PTK7: variants seen among roughly 807,000 people sequenced by gnomAD.
The protein encoded by PTK7 is protein tyrosine kinase 7 (inactive).
In PTK7, 39 loss-of-function variants were observed where a neutral mutation model predicts 116.6. That is an observed-to-expected ratio of 0.33 (90% CI 0.26 to 0.44). The LOEUF is 0.44. Among genes scored for constraint, PTK7 ranks in the 20% least tolerant of loss-of-function variants. The pLI is 1.00. For synonymous variants in PTK7, 546 were observed against 563.6 expected, an observed-to-expected ratio of 0.97 and a Z score of 0.44; for missense variants, 1,169 against 1,425.6, an observed-to-expected ratio of 0.82 and a Z score of 2.90.
intron 1 of PTK7, among the ~76,000 whole-genome samples, chr6:43,123,084 C>T (rs1406708341): frequency 1.3e-5 from 2 of 152,162 alleles, no homozygotes; most frequent in Non-Finnish European, 2.9e-5. Flanking sequence ...TAGCATCAAG[C>T]TCCCCACTCA....
Position 43,128,956 on chromosome 6 carries a change from CT to C in PTK7, c.80-20del. 1 of 1,583,322 alleles carries C rather than the reference CT, an allele frequency of 6.3e-7. No homozygotes were observed. The highest frequency in any genetic ancestry group is 1.3e-5 in the African/African-American group (1 of 74,634). ...GCTGCAGCTCCCCCTGACCCTGCCT[CT>C]CCCCTGTTTGCATCTACAGGTACCC... On this transcript the variant is annotated intron_variant, in intron 1 of 19. Transcript: ENST00000230419.
At chr6:43,131,841 G>A (rs1769700098) in intron 5 of PTK7, 175 bp from the exon 6 acceptor site, 1 of 812,556 alleles carries the variant, frequency 1.2e-6, no homozygotes, top group Non-Finnish European at 1.9e-6. Flanking sequence ...GTGCACCTGA[G>A]CAAGTGTATG....
At chr6:43,078,088 G>A (rs1448881295) in intron 1 of PTK7, among the ~76,000 whole-genome samples, 1 of 152,256 alleles carries the variant, frequency 6.6e-6, no homozygotes, top group Non-Finnish European at 1.5e-5. Context: ...GTGTGGGTCT[G>A]CCCAATGAGG....
intron 18 of PTK7, among the ~76,000 whole-genome samples, chr6:43,159,247 A>G (rs1771695945): frequency 6.6e-6 from 1 of 152,224 alleles, no homozygotes; most frequent in Non-Finnish European, 1.5e-5. Context: ...TTTATATATA[A>G]TCTATTTATA....
chr6:43,117,891 A>G (rs771647138), intron 1 of PTK7, among the ~76,000 whole-genome samples: 1 of 151,674 alleles, frequency 6.6e-6, no homozygotes, highest in Non-Finnish European at 1.5e-5. Flanking sequence ...AGCCGAGATC[A>G]TGCCATTGCA....
At chr6:43,150,020 A>G (rs910489502) in intron 17 of PTK7, among the ~76,000 whole-genome samples, 1 of 152,310 alleles carries the variant, frequency 6.6e-6, no homozygotes, top group South Asian at 2.1e-4. Context: ...AATCAAAGAC[A>G]TGGGTCCTGG....
Position 43,144,451 on chromosome 6 carries a change from G to C in PTK7, c.2252G>C (p.Gly751Ala). 6.2e-7 allele frequency: 1 copy of C among 1,614,132 alleles called. No homozygotes were observed. The part of the protein sequence containing the change: ...GEEPEMECLN[G>A]GPLQNGQPSA... Reference sequence around the variant, plus strand: ...ACGCTCTTGTCCTCCTCCTTCCCAGGTGGGCCTTTGCAGAACGGGCAGCCC... The same window carrying C: ...ACGCTCTTGTCCTCCTCCTTCCCAGCTGGGCCTTTGCAGAACGGGCAGCCC... The change falls in exon 15 of 20, where the codon GGT (glycine) becomes GCT (alanine). Residue 751 changes from glycine to alanine, a missense_variant and splice_region_variant. Physicochemically the swap from Gly to Ala is moderately conservative, Grantham distance 60. Around this residue, in one of 3 missense-constraint regions of PTK7, gnomAD observed 678 missense variants for 853.8 expected, o/e 0.79. Transcript: ENST00000230419.
At chr6:43,135,915 G>A (rs568354929) in intron 7 of PTK7, among the ~76,000 whole-genome samples, 2 of 152,042 alleles carry the variant, frequency 1.3e-5, no homozygotes, top group East Asian at 3.9e-4. Context: ...ATGGCTGGGT[G>A]CAGTGGCTCA....
At position 43,144,525 on chromosome 6, in the gene PTK7, C is replaced by T. The variant is rs1770612398; in HGVS notation, c.2326C>T (p.Pro776Ser). The change falls in exon 15 of 20, where the codon CCC becomes TCC. Residue 776 changes from proline (P) to serine (S), a missense_variant. This residue lies in a region of PTK7 where 678 missense variants were observed against 853.8 expected (regional missense o/e 0.79). Coordinates refer to ENST00000230419, the MANE Select transcript of PTK7 (RefSeq NM_002821.5). Reference sequence around the variant, plus strand: ...GGCCTTGACCAGCTTGGGCTCCGGCCCCGCGGCCACCAACAAACGCCACAG... The same window carrying T: ...GGCCTTGACCAGCTTGGGCTCCGGCTCCGCGGCCACCAACAAACGCCACAG... ...EVALTSLGSG[P>S]AATNKRHSTS... is the part of the protein sequence containing the mutation. The T allele has an allele frequency of 6.2e-7, 1 of 1,614,196 alleles. No homozygotes were observed. Among genetic ancestry groups the T allele is most frequent in the East Asian group, 2.2e-5 (1 of 44,884 alleles).
At chr6:43,091,556 C>T (rs1266990313) in intron 1 of PTK7, among the ~76,000 whole-genome samples, 1 of 152,188 alleles carries the variant, frequency 6.6e-6, no homozygotes, top group Non-Finnish European at 1.5e-5. Context: ...ATTTCATTAA[C>T]TCTTAGATGT....
intron 1 of PTK7, among the ~76,000 whole-genome samples, chr6:43,101,004 G>C (rs1011054404): frequency 6.6e-6 from 1 of 151,896 alleles, no homozygotes; most frequent in African/African-American, 2.4e-5. Flanking sequence ...AGGCCGAGGC[G>C]GGCAGATCAC....
At position 43,083,935 on chromosome 6, in the gene PTK7, G is replaced by C. The variant is rs141472111; in HGVS notation, c.79+7368G>C. ...GTAGATATGTGTTTCTCAAATTAGA[G>C]TGGAGAGTATAGGGCAGGTCACCAA... is the stretch of plus-strand genomic sequence containing the variant. On this transcript the variant is annotated intron_variant, in intron 1 of 19. Transcript: ENST00000230419. Among the ~76,000 whole-genome samples the C allele has an allele frequency of 1.3e-3, 195 of 151,690 alleles. 1 individual carries two copies. Among genetic ancestry groups the C allele is most frequent in the Non-Finnish European group, 2.4e-3 (165 of 67,828 alleles).
At chr6:43,149,142 C>T (rs1328901946) in intron 17 of PTK7, among the ~76,000 whole-genome samples, 4 of 149,532 alleles carry the variant, frequency 2.7e-5, no homozygotes, top group African/African-American at 7.4e-5. Context: ...GAGGCTGAGG[C>T]GGGAAGATCA....
At chr6:43,147,127 T>G (rs893665252) in intron 17 of PTK7, among the ~76,000 whole-genome samples, 3 of 152,228 alleles carry the variant, frequency 2.0e-5, no homozygotes, top group Non-Finnish European at 4.4e-5. Context: ...CAGCTCTGAG[T>G]GGAGAAGACT....
Position 43,141,902 on chromosome 6 carries a change from C to G in PTK7, c.1769-29C>G, listed in dbSNP as rs1268003041. Reference sequence around the variant, plus strand: ...TGCCAGCCCCTTGGCTTACCCCTCCCTGCGCCTCGCTGGTCTCTTTTCTTC... The same window carrying G: ...TGCCAGCCCCTTGGCTTACCCCTCCGTGCGCCTCGCTGGTCTCTTTTCTTC... On this transcript the variant is annotated intron_variant, in intron 11 of 19. Transcript: ENST00000230419. This position sits in a 1 kb window ranked among gnomAD's most constrained non-coding sequence, Gnocchi z 4.9. The G allele has an allele frequency of 3.1e-6, 5 of 1,594,366 alleles. No homozygotes were observed. Among genetic ancestry groups the G allele is most frequent in the South Asian group, 1.1e-5 (1 of 89,460 alleles).
chr6:43,143,383 A>AG lies in PTK7; in HGVS notation c.2048-33dup. 3.8e-6 allele frequency: 6 copies of AG among 1,594,478 alleles called. No homozygotes were observed. Among genetic ancestry groups the AG allele is most frequent in the Non-Finnish European group, 5.1e-6 (6 of 1,170,016 alleles). On this transcript the variant is annotated intron_variant, in intron 13 of 19. Coordinates refer to ENST00000230419, the MANE Select transcript of PTK7 (RefSeq NM_002821.5). This position sits in a 1 kb window ranked among gnomAD's most constrained non-coding sequence, Gnocchi z 4.2. ...AGAAGCAGGGCTTCTTTTGCTTAGCAGCCCCTGCCCAGACCCATCTGTGTG... is the reference window on the plus strand; with the variant it reads ...AGAAGCAGGGCTTCTTTTGCTTAGCAGGCCCCTGCCCAGACCCATCTGTGTG...
chr6:43,081,555 C>T (rs1357961993), intron 1 of PTK7, among the ~76,000 whole-genome samples: 1 of 152,086 alleles, frequency 6.6e-6, no homozygotes, highest in Non-Finnish European at 1.5e-5. Flanking sequence ...CAGGTGTGTG[C>T]CACTGCACCC....
Position 43,143,685 on chromosome 6 carries a change from G to A in PTK7, c.2251+65G>A, listed in dbSNP as rs1224903622. ...GAGCTGAGCGCCCTCCCGCGGCCAC[G>A]GAGGGGAGAGCGCCAGCACTCTGGA... On this transcript the variant is annotated intron_variant, in intron 14 of 19. Coordinates refer to ENST00000230419, the MANE Select transcript of PTK7 (RefSeq NM_002821.5). The surrounding 1 kb of genome is among the most constrained non-coding windows in gnomAD (Gnocchi z 4.2). 9 of 1,525,920 alleles carry A rather than the reference G, an allele frequency of 5.9e-6. No homozygotes were observed. Among genetic ancestry groups the A allele is most frequent in the African/African-American group, 1.4e-5 (1 of 72,676 alleles). The allele number at this position is 1,525,920 out of a possible 1,614,324, so 94.5% of individuals were successfully genotyped here.
chr6:43,121,057 T>G (rs917974875), intron 1 of PTK7, among the ~76,000 whole-genome samples: 29 of 35,762 alleles, frequency 8.1e-4, no homozygotes, highest in African/African-American at 3.0e-3. Flanking sequence ...CATGTTTCTG[T>G]TTTTTTTTTT....
Sources: allele counts gnomAD v4.1 joint callset (sites outside exome capture counted in the v4.1 genomes callset), GRCh38; gene constraint gnomAD v4.1.1; regional missense constraint gnomAD v4.1.1; non-coding constraint Gnocchi (gnomAD v3.1); transcripts MANE v1.5; gene names NCBI Gene and HGNC (gene_info 2026-07-23, HGNC 2026-07-21).